The following ACOT1 variants were observed in gnomAD, a reference collection of about 807,000 sequenced individuals.
ACOT1 encodes acyl-coenzyme A thioesterase 1.
A neutral mutation model predicts 15.7 loss-of-function variants in ACOT1; 8 were observed. The observed-to-expected ratio is 0.51, with a 90% CI of 0.30 to 0.92. The LOEUF (loss-of-function observed/expected upper bound fraction) is 0.92, where lower values mean the gene tolerates loss of function less well. Ranked by LOEUF, ACOT1 falls within the 40% of genes least tolerant of loss-of-function variation. The pLI is 0.06. For synonymous variants in ACOT1, 67 were observed against 241.2 expected, an observed-to-expected ratio of 0.28 and a Z score of 6.69; for missense variants, 151 against 539.4, an observed-to-expected ratio of 0.28 and a Z score of 7.13.
chr14:73,492,842 G>C, the ACOT1 span: 1 of 1,613,852 alleles, frequency 6.2e-7, no homozygotes, highest in Non-Finnish European at 8.5e-7. This position sits in a 1 kb window ranked among gnomAD's most constrained non-coding sequence, Gnocchi z 4.9. Context: ...TGTGAGAGTG[G>C]GGGACCTGCC....
chr14:73,492,699 AG>A, the ACOT1 span: 1 of 1,613,944 alleles, frequency 6.2e-7, no homozygotes, highest in Non-Finnish European at 8.5e-7. The surrounding 1 kb of genome is among the most constrained non-coding windows in gnomAD (Gnocchi z 4.9). Context: ...CTGGTGGGTG[AG>A]GGGGGCCATT....
At chr14:73,491,744 T>G in the ACOT1 span, 10 of 1,556,172 alleles carry the variant, frequency 6.4e-6, no homozygotes, top group Admixed American at 1.9e-5. Context: ...GGGACTTTTC[T>G]CTACCGCTGA....
chr14:73,491,034 C>A, the ACOT1 span: 1 of 1,560,766 alleles, frequency 6.4e-7, no homozygotes, highest in Non-Finnish European at 8.7e-7. Flanking sequence ...GGGCTCCAGG[C>A]CAGTGCAGGG....
chr14:73,533,401 A>G (rs1367163293), upstream of ACOT1, among the ~76,000 whole-genome samples: 12 of 115,916 alleles, frequency 1.0e-4, 5 homozygotes, highest in South Asian at 1.6e-3. Flanking sequence ...GAAATGGGCC[A>G]GGCGTGGTGG....
chr14:73,491,436 T>TCCA, the ACOT1 span: 9 of 1,358,592 alleles, frequency 6.6e-6, no homozygotes, highest in East Asian at 1.8e-4. Context: ...GCCGCGCCGG[T>TCCA]CCGGGTGGTG....
the ACOT1 span, among the ~76,000 whole-genome samples, chr14:73,529,380 A>G: frequency 8.0e-6 from 1 of 125,482 alleles, no homozygotes; most frequent in Non-Finnish European, 1.8e-5. Flanking sequence ...AAAAAAAATT[A>G]AGTCAATCCT....
chr14:73,522,889 A>G, the ACOT1 span: 11 of 1,614,054 alleles, frequency 6.8e-6, no homozygotes, highest in South Asian at 1.1e-4. Flanking sequence ...TGTACTGGCT[A>G]TAAGGAATGC....
the ACOT1 span, chr14:73,514,204 C>T: frequency 5.7e-5 from 92 of 1,614,184 alleles, no homozygotes; most frequent in African/African-American, 8.8e-4. Flanking sequence ...CAAAGCAGTC[C>T]AGCGCAGGGC....
chr14:73,515,898 C>G, the ACOT1 span, among the ~76,000 whole-genome samples: 1 of 97,134 alleles, frequency 1.0e-5, no homozygotes, highest in African/African-American at 4.6e-5. Context: ...ATGTGACGCT[C>G]CCCGACTTCT....
chr14:73,523,026 CAG>C, the ACOT1 span: 2 of 1,614,094 alleles, frequency 1.2e-6, no homozygotes, highest in South Asian at 1.1e-5. Flanking sequence ...ACACTGGAGA[CAG>C]AGGCACACTC....
Position 73,543,169 on chromosome 14 carries a change from T to C in ACOT1, c.780T>C (p.Asn260=), listed in dbSNP as rs770969825. 7 of 1,605,154 alleles carry C rather than the reference T, an allele frequency of 4.4e-6. 1 individual carries two copies. In the South Asian group the frequency reaches 7.7e-5, roughly 18 times the overall value. The stretch of plus-strand genomic sequence containing the variant: ...TCGTCATCAACGGCTCTGTGGCCAA[T>C]GTTGGGGGAACCTTACGCTACAAGG... The part of the protein sequence containing the change: ...AAVVINGSVA[N]VGGTLRYKGE... The change falls in exon 3 of 3, where the codon AAT becomes AAC. Residue 260 remains asparagine, a synonymous_variant. Coordinates refer to ENST00000311148, the MANE Select transcript of ACOT1 (RefSeq NM_001037161.2).
the ACOT1 span, among the ~76,000 whole-genome samples, chr14:73,496,891 T>C: frequency 1.3e-5 from 2 of 152,210 alleles, no homozygotes; most frequent in Non-Finnish European, 2.9e-5. Flanking sequence ...GGTTTTTTGT[T>C]TACTTTTTGT....
the ACOT1 span, among the ~76,000 whole-genome samples, chr14:73,505,811 A>T: frequency 6.6e-6 from 1 of 151,014 alleles, no homozygotes; most frequent in Non-Finnish European, 1.5e-5. Flanking sequence ...TGAAGAACCA[A>T]TTTTGGCGGG....
chr14:73,506,804 G>GTTTTTTTTT, the ACOT1 span, among the ~76,000 whole-genome samples: 603 of 80,418 alleles, frequency 7.5e-3, 115 homozygotes, highest in African/African-American at 0.023. Context: ...GACTTTAACT[G>GTTTTTTTTT]TTTTTTTTTT....
chr14:73,514,192 G>A, the ACOT1 span: 1 of 1,614,126 alleles, frequency 6.2e-7, no homozygotes, highest in South Asian at 1.1e-5. Flanking sequence ...GGCGGGGGTG[G>A]GCAAAGCAGT....
chr14:73,490,968 T>G, the ACOT1 span: 1 of 1,308,546 alleles, frequency 7.6e-7, no homozygotes, highest in East Asian at 3.1e-5. Context: ...AGGAACCGCT[T>G]TAGCTTCGCC....
chr14:73,496,038 G>C, the ACOT1 span, among the ~76,000 whole-genome samples: 1 of 152,150 alleles, frequency 6.6e-6, no homozygotes, highest in African/African-American at 2.4e-5. Flanking sequence ...GCTGAGGCAC[G>C]AGAATCACTT....
chr14:73,529,147 A>C, the ACOT1 span: 1 of 152,110 alleles, frequency 6.6e-6, no homozygotes, highest in African/African-American at 2.4e-5. Context: ...TGAGGTTAGG[A>C]GTTCAAGACC....
At chr14:73,534,501 A>C (rs1888800111), upstream of ACOT1, among the ~76,000 whole-genome samples, 1 of 113,398 alleles carries the variant, frequency 8.8e-6, no homozygotes, top group Non-Finnish European at 1.9e-5. Flanking sequence ...GAGACCAGGC[A>C]ACATAGGGAG....
Sources: gnomAD v4.1 joint callset for allele counts (sites outside exome capture counted in the v4.1 genomes callset) on GRCh38, gnomAD v4.1.1 for gene constraint, Gnocchi (gnomAD v3.1) non-coding constraint, MANE v1.5 for transcripts, NCBI Gene and HGNC (gene_info 2026-07-23, HGNC 2026-07-21) for gene names.